Variants in UPF2 observed in about 807,000 individuals in gnomAD.
UPF2 encodes the protein UPF2 regulator of nonsense mediated mRNA decay, also known as regulator of nonsense transcripts 2.
A neutral mutation model predicts 141.4 loss-of-function variants in UPF2; 17 were observed. The ratio of observed to expected loss-of-function variants is 0.12; its 90% CI spans 0.08 to 0.18. The LOEUF is 0.18. Among genes scored for constraint, UPF2 ranks in the 10% least tolerant of loss-of-function variants. UPF2 has a pLI of 1.00. For synonymous variants in UPF2, 540 were observed against 498.0 expected (o/e 1.08, Z -1.12); for missense variants, 1,152 against 1,515.9 (o/e 0.76, Z 3.99).
At chr10:11,985,830 G>A (rs1348498950) in intron 8 of UPF2, among the ~76,000 whole-genome samples, 1 of 148,222 alleles carries the variant, frequency 6.7e-6, no homozygotes, top group Non-Finnish European at 1.5e-5. Context: ...AGCCAGATGG[G>A]TATTTCATCT....
Position 12,001,843 on chromosome 10 carries a change from A to G in UPF2, c.1505-18T>C. 7 of 1,566,986 alleles carry G rather than the reference A, an allele frequency of 4.5e-6. No individual in the cohort carries two copies. The highest frequency in any genetic ancestry group is 5.2e-6 in the Non-Finnish European group (6 of 1,159,352). On this transcript the variant is annotated intron_variant, in intron 5 of 21. Transcript: ENST00000357604. Reference sequence around the variant, plus strand: ...TTTTGCCTCTGTTGAAAAACAAACAAGTATACCTAAATTCAAAGTCATATG... The same window carrying G: ...TTTTGCCTCTGTTGAAAAACAAACAGGTATACCTAAATTCAAAGTCATATG...
At chr10:11,990,854 GGCGGGC>G (rs1833767534) in intron 8 of UPF2, among the ~76,000 whole-genome samples, 1 of 151,608 alleles carries the variant, frequency 6.6e-6, no homozygotes, top group South Asian at 2.1e-4. Context: ...TGGGCGTGGT[GGCGGGC>G]ACCTGTAGTG....
chr10:12,000,038 T>A, intron 6 of UPF2, 29 bp from the exon 7 acceptor site: 1 of 1,346,802 alleles, frequency 7.4e-7, no homozygotes, highest in South Asian at 1.4e-5. Context: ...TTAAATAGGT[T>A]AAAAAAAAAA....
rs970630462 is a variant in UPF2 at position 11,939,145 on chromosome 10, C to T, written c.3379-2433G>A. 1.3e-5 allele frequency among the ~76,000 whole-genome samples: 2 copies of T among 152,094 alleles called. No homozygotes were observed. Among genetic ancestry groups the T allele is most frequent in the African/African-American group, 4.8e-5 (2 of 41,418 alleles). On this transcript the variant is annotated intron_variant, in intron 18 of 21. Coordinates refer to ENST00000357604, the MANE Select transcript of UPF2 (RefSeq NM_015542.4). The surrounding 1 kb of genome is among the most constrained non-coding windows in gnomAD (Gnocchi z 4.8). ...TCGGCCTCCCAAAGTGATGGGATTA[C>T]AGGCATTGAGCCACTGTGCCTGGCC...
chr10:12,015,337 G>C (rs1834199322), intron 3 of UPF2, among the ~76,000 whole-genome samples: 1 of 152,052 alleles, frequency 6.6e-6, no homozygotes, highest in South Asian at 2.1e-4. Flanking sequence ...ATTCTTCCCA[G>C]ATTATTTGAA....
intron 21 of UPF2, among the ~76,000 whole-genome samples, chr10:11,929,096 G>A (rs754803353): frequency 9.2e-5 from 14 of 152,250 alleles, no homozygotes; most frequent in African/African-American, 2.9e-4. Flanking sequence ...GCAGTGAGCC[G>A]AGATCACGCC....
rs148500123 is a variant in UPF2, at chr10:12,001,785, G to A, written c.1545C>T (p.Pro515=). The A allele has an allele frequency of 9.9e-6, 16 of 1,611,034 alleles. No homozygotes were observed. Among genetic ancestry groups the A allele is most frequent in the African/African-American group, 2.7e-5 (2 of 74,836 alleles). ...ESKENKEVSS[P]DDLELELENL... The stretch of plus-strand genomic sequence containing the variant: ...TCTCCAACTCAAGTTCCAAATCATC[G>A]GGACTTGATACCTCCTTATTCTCCT... The change falls in exon 6 of 22, where the codon CCC becomes CCT. Residue 515 remains proline (P), a synonymous_variant. Transcript: ENST00000357604.
chr10:12,027,273 G>A (rs1288530334), intron 3 of UPF2, among the ~76,000 whole-genome samples: 1 of 152,112 alleles, frequency 6.6e-6, no homozygotes, highest in Non-Finnish European at 1.5e-5. Context: ...AAAGGTGAAT[G>A]GATTGGATTA....
At chr10:11,987,856 A>G (rs1833719422) in intron 8 of UPF2, among the ~76,000 whole-genome samples, 1 of 151,884 alleles carries the variant, frequency 6.6e-6, no homozygotes, top group African/African-American at 2.4e-5. Flanking sequence ...TGAAGGAAGA[A>G]TGCAACTGAA....
intron 3 of UPF2, among the ~76,000 whole-genome samples, chr10:12,024,888 C>T (rs1834387248): frequency 7.8e-6 from 1 of 128,838 alleles, no homozygotes; most frequent in Non-Finnish European, 1.6e-5. Flanking sequence ...GAGCCATGAT[C>T]ACACGACTGC....
chr10:11,933,013 CATTT>C (rs1441584362), intron 19 of UPF2, among the ~76,000 whole-genome samples: 1 of 152,062 alleles, frequency 6.6e-6, no homozygotes, highest in Non-Finnish European at 1.5e-5. Flanking sequence ...TTTTAATTGA[CATTT>C]ATTATTCTAA....
intron 17 of UPF2, 96 bp from the exon 18 acceptor site, chr10:11,942,859 C>G: frequency 1.8e-6 from 2 of 1,118,918 alleles, no homozygotes; most frequent in South Asian, 1.4e-5. Context: ...TTTAACATAA[C>G]TCAAGGAGTA....
chr10:11,966,223 C>T (rs1171099559), intron 10 of UPF2, among the ~76,000 whole-genome samples: 1 of 152,094 alleles, frequency 6.6e-6, no homozygotes, highest in African/African-American at 2.4e-5. Flanking sequence ...TCTGTATATA[C>T]TTACTTATTC....
chr10:11,978,161 C>T (rs546497410), intron 9 of UPF2, among the ~76,000 whole-genome samples: 79 of 152,254 alleles, frequency 5.2e-4, no homozygotes, highest in African/African-American at 1.9e-3. Context: ...AGTTCCTGAC[C>T]TCAGAATTGT....
chr10:12,004,154 G>A (rs554004283), intron 5 of UPF2, among the ~76,000 whole-genome samples: 2 of 152,218 alleles, frequency 1.3e-5, no homozygotes, highest in African/African-American at 4.8e-5. Flanking sequence ...TTCTCAAAGA[G>A]TTGGTTCTAT....
chr10:12,028,444 G>A (rs544422116), intron 3 of UPF2, among the ~76,000 whole-genome samples: 17 of 152,194 alleles, frequency 1.1e-4, no homozygotes, highest in African/African-American at 3.9e-4. Context: ...TGACAGAAAA[G>A]GAAATTTTAC....
intron 3 of UPF2, among the ~76,000 whole-genome samples, chr10:12,015,343 T>C (rs988735348): frequency 2.6e-5 from 4 of 152,240 alleles, no homozygotes; most frequent in African/African-American, 9.6e-5. Flanking sequence ...CCCAGATTAT[T>C]TGAAACAATG....
chr10:12,034,784 G>A (rs1171877553), intron 2 of UPF2, among the ~76,000 whole-genome samples: 4 of 152,118 alleles, frequency 2.6e-5, no homozygotes, highest in South Asian at 2.1e-4. Context: ...CAGTCTGGGC[G>A]ACTGAGCAAA....
intron 3 of UPF2, chr10:12,026,556 G>A (rs1300125308): frequency 2.3e-6 from 1 of 435,068 alleles, no homozygotes; most frequent in African/African-American, 2.1e-5. Flanking sequence ...CAAACCATCT[G>A]TGGTAAAGGG....
Sources: gnomAD v4.1 joint callset for allele counts (sites outside exome capture counted in the v4.1 genomes callset) on GRCh38, gnomAD v4.1.1 for gene constraint, Gnocchi (gnomAD v3.1) non-coding constraint, MANE v1.5 for transcripts, NCBI Gene and HGNC (gene_info 2026-07-23, HGNC 2026-07-21) for gene names.